EMSY: variants seen among roughly 807,000 people sequenced by gnomAD.
The protein encoded by EMSY is BRCA2-interacting transcriptional repressor EMSY.
In EMSY, 26 loss-of-function variants were observed where a neutral mutation model predicts 134.6. The observed-to-expected ratio is 0.19, with a 90% CI of 0.14 to 0.27. The LOEUF (loss-of-function observed/expected upper bound fraction) is 0.27, where lower values mean the gene tolerates loss of function less well. Ranked by LOEUF, EMSY falls within the 10% of genes least tolerant of loss-of-function variation. The probability of loss-of-function intolerance (pLI) is 1.00; values close to 1 mark genes in which losing one functional copy is unlikely to be tolerated. For missense variants in EMSY, 1,305 were observed against 1,611.4 expected (o/e 0.81, Z 3.26); for synonymous variants, 579 against 577.8 (o/e 1.00, Z -0.03).
intron 8 of EMSY, among the ~76,000 whole-genome samples, chr11:76,495,336 T>C (rs1303175035): frequency 6.6e-6 from 1 of 152,256 alleles, no homozygotes; most frequent in African/African-American, 2.4e-5. Context: ...CTTTTTATTG[T>C]ATCAGCAGTG....
At position 76,453,312 on chromosome 11, in the gene EMSY, A is replaced by G; in HGVS notation, c.171-2A>G. The G allele has an allele frequency of 6.2e-7, 1 of 1,612,204 alleles. No homozygotes were observed. The highest frequency in any genetic ancestry group is 8.5e-7 in the Non-Finnish European group (1 of 1,178,860). On this transcript the variant is annotated splice_acceptor_variant, in intron 3 of 20. Coordinates refer to ENST00000334736, the Ensembl canonical transcript of EMSY. LOFTEE classifies it high-confidence loss of function. ...TTCTATAATGGCTATTTTTCTTCAT[A>G]GCATCTCAACAGAACGCCACCGTGC...
chr11:76,504,521 C>T (rs1285393358), intron 9 of EMSY, among the ~76,000 whole-genome samples: 1 of 152,076 alleles, frequency 6.6e-6, no homozygotes, highest in Non-Finnish European at 1.5e-5. Context: ...ATCAATGTAA[C>T]AGAATAACAA....
intron 16 of EMSY, among the ~76,000 whole-genome samples, chr11:76,538,870 A>C (rs1011640283): frequency 3.3e-5 from 5 of 152,146 alleles, no homozygotes; most frequent in African/African-American, 4.8e-5. Context: ...AGTCACGAGA[A>C]TCCCTTGAAT....
intron 18 of EMSY, 82 bp from the exon 20 acceptor site, chr11:76,544,177 A>G: frequency 5.1e-6 from 7 of 1,367,188 alleles, no homozygotes; most frequent in Non-Finnish European, 6.9e-6. Context: ...TGAATCTCGT[A>G]AGTCTTTTTC....
intron 12 of EMSY, among the ~76,000 whole-genome samples, chr11:76,524,470 G>A (rs1950772478): frequency 6.6e-6 from 1 of 152,142 alleles, no homozygotes. Flanking sequence ...TTTTCAATGT[G>A]TGGGAAAACA....
chr11:76,463,457 A>T (rs1288411213), intron 6 of EMSY, among the ~76,000 whole-genome samples: 1 of 151,874 alleles, frequency 6.6e-6, no homozygotes, highest in Non-Finnish European at 1.5e-5. Flanking sequence ...CCCCGTCTCT[A>T]CTAAAAATAC....
chr11:76,507,099 C>T (rs1470992133), intron 9 of EMSY, among the ~76,000 whole-genome samples: 4 of 152,200 alleles, frequency 2.6e-5, no homozygotes, highest in Non-Finnish European at 5.9e-5. Flanking sequence ...TATTATACTG[C>T]TGTCTATTAT....
At chr11:76,503,300 CAAAA>C (rs61098325) in intron 9 of EMSY, among the ~76,000 whole-genome samples, 6 of 70,782 alleles carry the variant, frequency 8.5e-5, no homozygotes, top group African/African-American at 2.2e-4. Context: ...GGCGTGGTCT[CAAAA>C]AAAAAAAAAA....
rs1947800451 is a variant in EMSY at position 76,454,663 on chromosome 11, G to T, written c.245+1275G>T. Reference sequence around the variant, plus strand: ...TAGAAGCATTGGAAAGGTATTGTGGGGCAACTAGTTGTAAGTTGATGCATC... The same window carrying T: ...TAGAAGCATTGGAAAGGTATTGTGGTGCAACTAGTTGTAAGTTGATGCATC... On this transcript the variant is annotated intron_variant, in intron 4 of 20. Transcript: ENST00000334736. 6.0e-6 allele frequency: 5 copies of T among 840,304 alleles called. No homozygotes were observed. The Admixed American group carries it at 1.2e-4, about 20-fold the overall frequency. The allele number at this position is 840,304 out of a possible 1,614,324, so 52.1% of individuals were successfully genotyped here.
exon 12 of EMSY, chr11:76,523,202 G>A (rs369162436): frequency 1.4e-5 from 23 of 1,613,588 alleles, no homozygotes; most frequent in African/African-American, 4.0e-5. Flanking sequence ...CAAGCCCAAC[G>A]TGATTGTTGT....
intron 14 of EMSY, among the ~76,000 whole-genome samples, chr11:76,529,893 G>A (rs757960663): frequency 1.3e-5 from 2 of 152,080 alleles, no homozygotes; most frequent in Non-Finnish European, 2.9e-5. Flanking sequence ...CTTGGTTGAT[G>A]CTTATTCTCC....
chr11:76,464,332 T>C (rs1181470640), intron 7 of EMSY, among the ~76,000 whole-genome samples: 2 of 152,222 alleles, frequency 1.3e-5, no homozygotes, highest in Non-Finnish European at 2.9e-5. Flanking sequence ...AGAATTGTGC[T>C]CTATTTTATA....
intron 12 of EMSY, among the ~76,000 whole-genome samples, chr11:76,523,699 A>ATT (rs1565345433): frequency 3.1e-4 from 23 of 75,328 alleles, no homozygotes; most frequent in African/African-American, 1.4e-3. Context: ...GGGATTTGTT[A>ATT]CTTTCTTTTT....
chr11:76,541,062 TAAA>T (rs1350249245), intron 17 of EMSY, among the ~76,000 whole-genome samples: 2 of 152,094 alleles, frequency 1.3e-5, no homozygotes, highest in African/African-American at 4.8e-5. Context: ...CTGACTCTAC[TAAA>T]AAATGCAAAA....
At chr11:76,489,692 C>T (rs993069921) in intron 8 of EMSY, among the ~76,000 whole-genome samples, 13 of 151,510 alleles carry the variant, frequency 8.6e-5, no homozygotes, top group African/African-American at 2.7e-4. Flanking sequence ...GCAACCTCCA[C>T]CTCCTAGGTT....
rs1312070288 is a variant in EMSY, at chr11:76,544,197, G to GA, written c.2710-58dup. ...CTCGTAAGTCTTTTTCAGTTAAGAG[G>GA]AAAATGTAGCAATGTAGATGTTTTT... On this transcript the variant is annotated intron_variant, in intron 18 of 20. Coordinates refer to ENST00000334736, the Ensembl canonical transcript of EMSY. 4 of 1,464,144 alleles carry GA rather than the reference G, an allele frequency of 2.7e-6. No homozygotes were observed. In the African/African-American group the frequency reaches 5.7e-5, roughly 21 times the overall value. The allele number at this position is 1,464,144 out of a possible 1,614,324, so 90.7% of individuals were successfully genotyped here. A position where few individuals can be genotyped will look rare whatever the true frequency, so the allele number is the denominator to read the frequency against.
intron 9 of EMSY, among the ~76,000 whole-genome samples, chr11:76,511,123 CT>C (rs11331623): frequency 0.54 from 81,838 of 151,820 alleles, 23,182 homozygotes; most frequent in South Asian, 0.67. Context: ...GAATTACTTT[CT>C]TTTTAAGAGA....
At chr11:76,495,206 A>G (rs530421200) in intron 8 of EMSY, among the ~76,000 whole-genome samples, 89 of 152,350 alleles carry the variant, frequency 5.8e-4, no homozygotes, top group Middle Eastern at 3.4e-3. Context: ...GACATTTTAC[A>G]TAAGAACGTG....
chr11:76,533,075 A>G (rs1195820925), intron 14 of EMSY, among the ~76,000 whole-genome samples: 1 of 152,186 alleles, frequency 6.6e-6, no homozygotes, highest in African/African-American at 2.4e-5. Flanking sequence ...TGTCTAGGCA[A>G]TTAAATACTG....
Sources: gnomAD v4.1 joint callset for allele counts (sites outside exome capture counted in the v4.1 genomes callset) on GRCh38, gnomAD v4.1.1 for gene constraint, MANE v1.5 for transcripts, NCBI Gene and HGNC (gene_info 2026-07-23, HGNC 2026-07-21) for gene names.